Variants in OXR1 observed in about 807,000 individuals in gnomAD.
The protein encoded by OXR1 is oxidation resistance protein 1.
OXR1 carries 41 observed loss-of-function variants against 104.6 expected under a neutral mutation model. The ratio of observed to expected loss-of-function variants is 0.39; its 90% CI spans 0.31 to 0.51. The LOEUF is 0.51. Among genes scored for constraint, OXR1 ranks in the 20% least tolerant of loss-of-function variants. The probability of loss-of-function intolerance (pLI) is 0.77; values close to 1 mark genes in which losing one functional copy is unlikely to be tolerated. For missense variants in OXR1, 955 were observed against 1,031.9 expected (o/e 0.93, Z 1.02); for synonymous variants, 348 against 348.4 (o/e 1.00, Z 0.01).
intron 3 of OXR1, among the ~76,000 whole-genome samples, chr8:106,671,044 C>CAAAAA (rs60404483): frequency 0.26 from 12,711 of 48,490 alleles, 1,897 homozygotes; most frequent in Non-Finnish European, 0.34. Flanking sequence ...GACTCTGTCT[C>CAAAAA]AAAAAAAAAA....
chr8:106,543,666 G>A (rs537980033), intron 3 of OXR1, among the ~76,000 whole-genome samples: 1 of 152,170 alleles, frequency 6.6e-6, no homozygotes, highest in Admixed American at 6.5e-5. Context: ...CAAAGCTATG[G>A]AAAGGGCTGA....
At chr8:106,663,846 T>C (rs1226778675) in intron 3 of OXR1, among the ~76,000 whole-genome samples, 1 of 152,182 alleles carries the variant, frequency 6.6e-6, no homozygotes, top group Non-Finnish European at 1.5e-5. Context: ...CCATAATCCA[T>C]AGTCTTCCAT....
chr8:106,516,711 C>A (rs1812886430), intron 2 of OXR1, among the ~76,000 whole-genome samples: 3 of 152,164 alleles, frequency 2.0e-5, no homozygotes, highest in East Asian at 3.9e-4. Context: ...TACAGTAGTA[C>A]CACCTTATCC....
chr8:106,375,064 C>T (rs762279802), intron 2 of OXR1, among the ~76,000 whole-genome samples: 4 of 152,170 alleles, frequency 2.6e-5, no homozygotes, highest in Admixed American at 2.0e-4. Flanking sequence ...GACTAAGTGA[C>T]GTCCCTGTGT....
intron 1 of OXR1, among the ~76,000 whole-genome samples, chr8:106,354,239 G>A (rs1350556036): frequency 6.6e-6 from 1 of 152,028 alleles, no homozygotes; most frequent in Admixed American, 6.6e-5. Context: ...AAACAAGAAA[G>A]AGGCTTTAGA....
chr8:106,618,267 G>T, intron 3 of OXR1: 1 of 1,113,438 alleles, frequency 9.0e-7, no homozygotes, highest in Non-Finnish European at 1.3e-6. Context: ...CACACTTTAT[G>T]TTGCATTTTC....
At chr8:106,388,751 C>T (rs1447634297) in intron 2 of OXR1, among the ~76,000 whole-genome samples, 1 of 152,150 alleles carries the variant, frequency 6.6e-6, no homozygotes, top group African/African-American at 2.4e-5. Context: ...GCTTCAATAG[C>T]ACAGGACCTA....
intron 3 of OXR1, among the ~76,000 whole-genome samples, chr8:106,666,841 T>C (rs958596038): frequency 6.6e-6 from 1 of 152,150 alleles, no homozygotes; most frequent in African/African-American, 2.4e-5. Context: ...TTGCTGAAAC[T>C]CGGTTTTATA....
chr8:106,478,948 T>C (rs906308070), intron 2 of OXR1, among the ~76,000 whole-genome samples: 1 of 151,926 alleles, frequency 6.6e-6, no homozygotes, highest in African/African-American at 2.4e-5. Context: ...AAATAGTCTA[T>C]GATAGTTTGT....
chr8:106,486,218 G>C (rs1810646271), intron 2 of OXR1, among the ~76,000 whole-genome samples: 1 of 151,976 alleles, frequency 6.6e-6, no homozygotes, highest in African/African-American at 2.4e-5. Context: ...TGTAGTACAT[G>C]GTAATTATGT....
At chr8:106,576,177 A>C (rs1033947222) in intron 3 of OXR1, among the ~76,000 whole-genome samples, 2 of 152,064 alleles carry the variant, frequency 1.3e-5, no homozygotes, top group East Asian at 1.9e-4. Flanking sequence ...TTTTATACTA[A>C]GAGGGAAAGC....
chr8:106,706,640 C>T lies in OXR1; in HGVS notation c.1119C>T (p.Val373=), dbSNP rs1180711841. ...CGTCATCAGAATCTGTGCAAACTGT[C>T]AATCAGGCTGAAGTAGAAAGTCTGA... ...SGASSESVQT[V]NQAEVESLTV... The change falls in exon 9 of 17, where the codon GTC becomes GTT. Residue 373 remains valine, a synonymous_variant. Transcript: ENST00000517566. The T allele has an allele frequency of 1.9e-6, 3 of 1,613,612 alleles. No homozygotes were observed. Among genetic ancestry groups the T allele is most frequent in the Non-Finnish European group, 2.5e-6 (3 of 1,179,864 alleles).
intron 3 of OXR1, among the ~76,000 whole-genome samples, chr8:106,630,245 T>C (rs924161372): frequency 1.3e-5 from 2 of 152,212 alleles, no homozygotes; most frequent in African/African-American, 4.8e-5. Context: ...GGGATAATGT[T>C]ACTTACTGTC....
intron 6 of OXR1, among the ~76,000 whole-genome samples, chr8:106,690,582 T>A (rs1829180151): frequency 6.6e-6 from 1 of 151,594 alleles, no homozygotes; most frequent in Admixed American, 6.6e-5. Flanking sequence ...GAGAGTTTTT[T>A]TTTTTTTCCT....
chr8:106,351,206 C>T (rs1186617876), intron 1 of OXR1, among the ~76,000 whole-genome samples: 1 of 152,090 alleles, frequency 6.6e-6, no homozygotes, highest in Non-Finnish European at 1.5e-5. Context: ...TGATTGAATA[C>T]CTTCCCTGTC....
At chr8:106,392,022 A>G (rs571667748) in intron 2 of OXR1, among the ~76,000 whole-genome samples, 27 of 152,314 alleles carry the variant, frequency 1.8e-4, no homozygotes, top group Admixed American at 1.6e-3. Context: ...ACACAAAAGC[A>G]TCATCAGAGC....
intron 2 of OXR1, among the ~76,000 whole-genome samples, chr8:106,449,920 G>A (rs1820221136): frequency 6.6e-6 from 1 of 152,012 alleles, no homozygotes; most frequent in Admixed American, 6.6e-5. Flanking sequence ...CTTGCCACAT[G>A]TATGCTGTCT....
In OXR1 at chr8:106,740,486, T is replaced by C; in HGVS notation, c.2307T>C (p.Ser769=). 1.2e-6 allele frequency: 2 copies of C among 1,611,006 alleles called. No homozygotes were observed. The highest frequency in any genetic ancestry group is 1.7e-6 in the Non-Finnish European group (2 of 1,178,486). ...CAGTGCTGATGGTGATTAAAGACAG[T>C]GATGGACAGGTATGAAACACCAACT... ...DTPVLMVIKD[S]DGQVFGALAS... Residue 769 remains serine, a synonymous_variant, in exon 14 of 17, where the codon AGT becomes AGC. Transcript: ENST00000517566.
intron 3 of OXR1, among the ~76,000 whole-genome samples, chr8:106,551,961 T>C (rs1284551036): frequency 6.6e-6 from 1 of 150,484 alleles, no homozygotes; most frequent in Non-Finnish European, 1.5e-5. Context: ...CATGGGAGGC[T>C]GAGGCAGGAG....
Sources: gnomAD v4.1 joint callset for allele counts (sites outside exome capture counted in the v4.1 genomes callset) on GRCh38, gnomAD v4.1.1 for gene constraint, MANE v1.5 for transcripts, NCBI Gene and HGNC (gene_info 2026-07-23, HGNC 2026-07-21) for gene names.